The following NAAA variants were observed in gnomAD, a reference collection of about 807,000 sequenced individuals.
NAAA encodes the protein N-acylethanolamine-hydrolyzing acid amidase.
NAAA carries 39 observed loss-of-function variants against 44.8 expected under a neutral mutation model. That is an observed-to-expected ratio of 0.87 (90% confidence interval 0.67 to 1.14). NAAA has a LOEUF of 1.14. Among genes scored for constraint, NAAA ranks in the 50% most tolerant of loss-of-function variants. The pLI is 0.00. For missense variants in NAAA, 460 were observed against 467.8 expected (o/e 0.98, Z 0.15); for synonymous variants, 178 against 191.3 (o/e 0.93, Z 0.58).
rs1726616731 is a variant in NAAA, at chr4:75,925,728, T to C, written c.666+7A>G. On this transcript the variant is annotated splice_region_variant and intron_variant, in intron 5 of 10. Transcript: ENST00000286733. ...GTTAAGGAGGGCTCCACATTAAATA[T>C]ACTCACAGCGCGGATCAGCCAGCTG... is the stretch of plus-strand genomic sequence containing the variant. 1.2e-6 allele frequency: 2 copies of C among 1,614,082 alleles called. No individual in the cohort carries two copies. The highest frequency in any genetic ancestry group is 2.2e-5 in the East Asian group (1 of 44,884).
At chr4:75,938,741 C>T (rs1277722884) in intron 2 of NAAA, among the ~76,000 whole-genome samples, 1 of 152,196 alleles carries the variant, frequency 6.6e-6, no homozygotes, top group African/African-American at 2.4e-5. Flanking sequence ...GAAACCAAGT[C>T]AAAACCTCTC....
At chr4:75,930,145 A>G (rs1727100169) in intron 4 of NAAA, among the ~76,000 whole-genome samples, 2 of 152,162 alleles carry the variant, frequency 1.3e-5, no homozygotes, top group Admixed American at 1.3e-4. Context: ...AACACCATGA[A>G]GTCAATCAGG....
intron 4 of NAAA, among the ~76,000 whole-genome samples, chr4:75,926,554 C>G (rs1726711951): frequency 1.0e-5 from 1 of 100,080 alleles, no homozygotes; most frequent in African/African-American, 3.7e-5. Flanking sequence ...GAGAGAGACT[C>G]TGTCTCAAAA....
At chr4:75,931,183 C>A in intron 4 of NAAA, 31 bp downstream of exon 4, 1 of 1,571,422 alleles carries the variant, frequency 6.4e-7, no homozygotes. Flanking sequence ...AATAATGTAG[C>A]TAAAATTACA....
At chr4:75,917,580 C>T (rs551726097) in intron 9 of NAAA, 31 of 177,640 alleles carry the variant, frequency 1.7e-4, no homozygotes, top group African/African-American at 6.2e-4. Context: ...ATTCTCCAGC[C>T]GCTGCTTCCC....
intron 2 of NAAA, among the ~76,000 whole-genome samples, chr4:75,939,099 C>G (rs183156245): frequency 2.6e-5 from 4 of 152,128 alleles, no homozygotes; most frequent in Admixed American, 2.6e-4. Context: ...GTGATTCACC[C>G]GCCTCGGCCT....
rs180818326 is a variant in NAAA, at chr4:75,922,187, C to T, written c.667-1064G>A. ...CGTCATTCAGCACCATAAACCTTAA[C>T]AGCAATAACCATAAGGCAAGAAAAC... On this transcript the variant is annotated intron_variant, in intron 5 of 10. Coordinates refer to ENST00000286733, the MANE Select transcript of NAAA (RefSeq NM_014435.4). Among the ~76,000 whole-genome samples the T allele has an allele frequency of 2.1e-3, 327 of 152,216 alleles. 1 individual carries two copies. The highest frequency in any genetic ancestry group is 7.6e-3 in the African/African-American group (315 of 41,544).
chr4:75,929,560 A>C (rs567427511), intron 4 of NAAA, among the ~76,000 whole-genome samples: 1 of 152,324 alleles, frequency 6.6e-6, no homozygotes, highest in African/African-American at 2.4e-5. Flanking sequence ...GAGTTGCAAA[A>C]TGAAAGCCAG....
At chr4:75,936,343 C>T in intron 2 of NAAA, 108 bp from the exon 3 acceptor site, 1 of 1,256,624 alleles carries the variant, frequency 8.0e-7, no homozygotes, top group South Asian at 1.4e-5. Flanking sequence ...GTTTTTCTTC[C>T]TTATAACTGA....
At chr4:75,918,918 G>A in intron 8 of NAAA, 129 bp from the exon 9 acceptor site, 1 of 806,914 alleles carries the variant, frequency 1.2e-6, no homozygotes, top group South Asian at 1.5e-5. Flanking sequence ...CGACGTGGGA[G>A]GATTACTCAA....
rs754622786 is a variant in NAAA, at chr4:75,940,003, G to T, written c.369C>A (p.Ser123=). ...CLLVNLAYES[S]VFCTSIVAQD... is the part of the protein sequence containing the mutation. The stretch of plus-strand genomic sequence containing the variant: ...CCGCGCGGGCTTGGGGCACTCACAC[G>T]GAGGACTCGTAGGCCAGGTTGACCA... The change falls in exon 2 of 11, where the codon TCC becomes TCA. Residue 123 remains serine, a splice_region_variant and synonymous_variant. Transcript: ENST00000286733. The T allele has an allele frequency of 6.2e-7, 1 of 1,613,674 alleles. No homozygotes were observed. The highest frequency in any genetic ancestry group is 8.5e-7 in the Non-Finnish European group (1 of 1,179,920).
chr4:75,914,145 T>G lies in NAAA; in HGVS notation c.*230A>C, dbSNP rs1725454681. The G allele has an allele frequency of 1.0e-6, 1 of 985,604 alleles. No homozygotes were observed. 61.1% of individuals were successfully genotyped at this position (985,604 alleles called of 1,614,324 possible). A position where few individuals can be genotyped will look rare whatever the true frequency, so the allele number is the denominator to read the frequency against. On this transcript the variant is annotated 3_prime_UTR_variant, in exon 11 of 11. Transcript: ENST00000286733. ...GCTTAGAGAGGATCGAGGCAAACCA[T>G]GAAGGGAAGGGAATGCAGGACAATG...
chr4:75,938,131 C>G (rs371250034), intron 2 of NAAA, among the ~76,000 whole-genome samples: 1 of 152,174 alleles, frequency 6.6e-6, no homozygotes, highest in African/African-American at 2.4e-5. Context: ...ATCTTCCCCA[C>G]GGGACTGTGT....
chr4:75,927,402 G>A (rs955590795), intron 4 of NAAA, among the ~76,000 whole-genome samples: 8 of 151,914 alleles, frequency 5.3e-5, no homozygotes, highest in African/African-American at 9.7e-5. Context: ...CCAAGATCCC[G>A]CCACTGTACT....
intron 3 of NAAA, among the ~76,000 whole-genome samples, chr4:75,932,413 A>G (rs555120274): frequency 1.3e-5 from 2 of 152,282 alleles, no homozygotes; most frequent in East Asian, 3.9e-4. Flanking sequence ...CCTCACAACT[A>G]TCCCATGAAT....
In NAAA at chr4:75,913,802, A is replaced by G; in HGVS notation, c.*573T>C. 1.0e-6 allele frequency: 1 copy of G among 985,158 alleles called. No homozygotes were observed. The highest frequency in any genetic ancestry group is 1.2e-6 in the Non-Finnish European group (1 of 829,644). 61.0% of individuals were successfully genotyped at this position (985,158 alleles called of 1,614,324 possible). A position where few individuals can be genotyped will look rare whatever the true frequency, so the allele number is the denominator to read the frequency against. The stretch of plus-strand genomic sequence containing the variant: ...TAGCTATTGAGAAAGAAGGAGGGCC[A>G]TAGGTTTTTCAATAAAACGTTAGAA... On this transcript the variant is annotated 3_prime_UTR_variant, in exon 11 of 11. Coordinates refer to ENST00000286733, the MANE Select transcript of NAAA (RefSeq NM_014435.4).
Position 75,940,907 on chromosome 4 carries a change from G to A in NAAA, c.43C>T (p.Leu15=). 1.3e-6 allele frequency: 2 copies of A among 1,521,670 alleles called. No individual in the cohort carries two copies. Among genetic ancestry groups the A allele is most frequent in the East Asian group, 2.6e-5 (1 of 38,040 alleles). The allele number at this position is 1,521,670 out of a possible 1,614,324, so 94.3% of individuals were successfully genotyped here. The stretch of plus-strand genomic sequence containing the variant: ...GCCCCGGCCAGCAGCAGCAGCAGCA[G>A]GGACGGAAGCCCCGGGCGCGCCTCC... ...DREARPGLPS[L]LLLLLAGAGL... is the part of the protein sequence containing the mutation. Residue 15 remains leucine (L), a synonymous_variant, in exon 1 of 11, where the codon CTG becomes TTG. Coordinates refer to ENST00000286733, the MANE Select transcript of NAAA (RefSeq NM_014435.4).
At chr4:75,940,723 C>A in intron 1 of NAAA, 21 bp downstream of exon 1, 2 of 1,587,620 alleles carry the variant, frequency 1.3e-6, no homozygotes, top group Admixed American at 1.7e-5. Flanking sequence ...CCCGCAGACC[C>A]CGTCCAGGGC....
At chr4:75,919,081 A>G (rs1725904442) in intron 8 of NAAA, among the ~76,000 whole-genome samples, 1 of 151,688 alleles carries the variant, frequency 6.6e-6, no homozygotes, top group Admixed American at 6.6e-5. Flanking sequence ...TTGCTGTGTC[A>G]CCTGGGCTAG....
Sources: gnomAD v4.1 joint callset for allele counts (sites outside exome capture counted in the v4.1 genomes callset) on GRCh38, gnomAD v4.1.1 for gene constraint, MANE v1.5 for transcripts, NCBI Gene and HGNC (gene_info 2026-07-23, HGNC 2026-07-21) for gene names.